Variants in SDK1 observed in about 807,000 individuals in gnomAD.
SDK1 encodes the protein protein sidekick-1.
In SDK1, 157 loss-of-function variants were observed where a neutral mutation model predicts 245.5. The ratio of observed to expected loss-of-function variants is 0.64; its 90% confidence interval spans 0.56 to 0.73. The LOEUF (loss-of-function observed/expected upper bound fraction) is 0.73. Ranked by LOEUF, SDK1 falls within the 30% of genes least tolerant of loss-of-function variation. The probability of loss-of-function intolerance (pLI) is 0.00; values close to 1 mark genes in which losing one functional copy is unlikely to be tolerated. For missense variants in SDK1, 3,583 were observed against 3,002.3 expected, an observed-to-expected ratio of 1.19 and a Z score of -4.52; for synonymous variants, 1,647 against 1,278.5, an observed-to-expected ratio of 1.29 and a Z score of -6.15.
chr7:3,706,032 T>C (rs1272443347), intron 4 of SDK1, among the ~76,000 whole-genome samples: 7 of 152,208 alleles, frequency 4.6e-5, no homozygotes, highest in African/African-American at 1.7e-4. Flanking sequence ...GATTATATGG[T>C]TTTTGTTTTT....
intron 4 of SDK1, among the ~76,000 whole-genome samples, chr7:3,764,968 T>G (rs1345373398): frequency 6.6e-6 from 1 of 152,170 alleles, no homozygotes; most frequent in Non-Finnish European, 1.5e-5. Flanking sequence ...GTAAGGTTTA[T>G]TGTCATTTTT....
intron 1 of SDK1, among the ~76,000 whole-genome samples, chr7:3,458,023 A>T (rs1780722712): frequency 6.6e-6 from 1 of 152,200 alleles, no homozygotes; most frequent in Admixed American, 6.5e-5. Context: ...CCTTTGCCTT[A>T]TAGCCTCCAG....
intron 14 of SDK1, among the ~76,000 whole-genome samples, chr7:3,995,808 A>C (rs1308592486): frequency 7.7e-6 from 1 of 129,144 alleles, no homozygotes; most frequent in South Asian, 2.5e-4. Flanking sequence ...TATCTATCCA[A>C]GGCCTTAGGG....
At chr7:3,965,543 T>TA (rs1427274436) in intron 9 of SDK1, among the ~76,000 whole-genome samples, 2 of 152,192 alleles carry the variant, frequency 1.3e-5, no homozygotes, top group East Asian at 3.8e-4. Context: ...AAATGTGCTT[T>TA]AAAAAATCGA....
intron 5 of SDK1, among the ~76,000 whole-genome samples, chr7:3,823,345 A>G (rs12531984): frequency 0.21 from 31,764 of 152,168 alleles, 3,620 homozygotes; most frequent in Middle Eastern, 0.37. Context: ...CCAGGATAAT[A>G]ATGAGTCAAA....
intron 1 of SDK1, among the ~76,000 whole-genome samples, chr7:3,305,621 TG>T (rs1433288302): frequency 6.6e-6 from 1 of 152,228 alleles, no homozygotes; most frequent in Non-Finnish European, 1.5e-5. Flanking sequence ...GAGTTTCAAC[TG>T]GAACTTGAGT....
In SDK1 at chr7:4,194,468, G is replaced by GTGTA. The variant is rs370306121; in HGVS notation, c.5099-11410_5099-11409insGTAT. ...TGTATACATGTATATATGTGTGTGT[G>GTGTA]TATATATATACTCCCATATATATGG... On this transcript the variant is annotated intron_variant, in intron 35 of 44. Coordinates refer to ENST00000404826, the MANE Select transcript of SDK1 (RefSeq NM_152744.4). Among the ~76,000 whole-genome samples, 12 of 115,122 alleles carry GTGTA rather than the reference G, an allele frequency of 1.0e-4. 1 individual carries two copies. Among genetic ancestry groups the GTGTA allele is most frequent in the South Asian group, 9.9e-4 (3 of 3,016 alleles). The allele number at this position is 115,122 out of a possible 152,430, so 75.5% of individuals were successfully genotyped here.
rs937742846 is a variant in SDK1, at chr7:3,974,496, ATTG to A, written c.1948_1950del (p.Val650del). ...CGACATCGGTGACTACAGCTGCGAG[ATTG>A]TTTCTGAAGGAGGGAATGACTCCAG... is the stretch of plus-strand genomic sequence containing the variant. On this transcript the variant is annotated inframe_deletion, in exon 13 of 45. Transcript: ENST00000404826. The A allele has an allele frequency of 3.1e-6, 5 of 1,613,952 alleles. No individual in the cohort carries two copies. The African/African-American group carries it at 6.7e-5, about 22-fold the overall frequency.
chr7:3,880,166 C>G (rs1229450937), intron 5 of SDK1, among the ~76,000 whole-genome samples: 1 of 152,230 alleles, frequency 6.6e-6, no homozygotes, highest in Non-Finnish European at 1.5e-5. Context: ...CGCCGCACTC[C>G]TCAGGGAGAT....
chr7:4,096,608 C>G (rs759063599), intron 22 of SDK1, among the ~76,000 whole-genome samples: 2 of 152,024 alleles, frequency 1.3e-5, no homozygotes, highest in Non-Finnish European at 2.9e-5. Flanking sequence ...ATGGAAGTTC[C>G]TAATAATAAA....
chr7:4,245,696 C>A lies in SDK1; in HGVS notation c.6272C>A (p.Pro2091His). 1 of 1,614,038 alleles carries A rather than the reference C, an allele frequency of 6.2e-7. No homozygotes were observed. The highest frequency in any genetic ancestry group is 1.3e-5 in the African/African-American group (1 of 75,030). ...NGTRSPPRPS[P>H]GGLHYSDEDI... ...CCTAGGTCCCCACCCCGGCCTAGCC[C>A]CGGCGGCCTGCACTACTCAGACGAG... Residue 2091 changes from proline (P) to histidine (H), a missense_variant, in exon 44 of 45, where the codon CCC (proline) becomes CAC (histidine). Coordinates refer to ENST00000404826, the MANE Select transcript of SDK1 (RefSeq NM_152744.4).
At chr7:3,935,722 C>T (rs2128119128) in intron 5 of SDK1, among the ~76,000 whole-genome samples, 1 of 152,246 alleles carries the variant, frequency 6.6e-6, no homozygotes, top group African/African-American at 2.4e-5. Flanking sequence ...AAACAGAAAA[C>T]ACAACAAAAA....
At chr7:4,144,854 A>AT (rs1323135302) in intron 28 of SDK1, among the ~76,000 whole-genome samples, 14 of 151,838 alleles carry the variant, frequency 9.2e-5, no homozygotes, top group Admixed American at 5.9e-4. Context: ...CCAGCAGTTG[A>AT]TTTTTTTTGG....
At chr7:3,949,769 A>C (rs941931004) in intron 5 of SDK1, among the ~76,000 whole-genome samples, 5 of 152,224 alleles carry the variant, frequency 3.3e-5, no homozygotes, top group African/African-American at 1.2e-4. Context: ...CCTTGTCACC[A>C]GAAGTACGAG....
At chr7:3,327,069 A>G (rs1360995251) in intron 1 of SDK1, among the ~76,000 whole-genome samples, 1 of 152,200 alleles carries the variant, frequency 6.6e-6, no homozygotes, top group African/African-American at 2.4e-5. Flanking sequence ...GTTCAGTTCC[A>G]GAAAGGTAAC....
intron 5 of SDK1, among the ~76,000 whole-genome samples, chr7:3,874,648 T>A (rs1781031848): frequency 6.6e-6 from 1 of 152,096 alleles, no homozygotes; most frequent in Admixed American, 6.5e-5. Context: ...CCTGCCCTCA[T>A]GCTACAGTTT....
chr7:3,389,276 A>G (rs949241079), intron 1 of SDK1, among the ~76,000 whole-genome samples: 6 of 152,166 alleles, frequency 3.9e-5, no homozygotes, highest in African/African-American at 1.4e-4. Flanking sequence ...AGATTTTGAG[A>G]TGGAGAGATT....
intron 4 of SDK1, among the ~76,000 whole-genome samples, chr7:3,644,630 G>T (rs1782763562): frequency 1.3e-5 from 2 of 151,470 alleles, no homozygotes; most frequent in Non-Finnish European, 2.9e-5. Flanking sequence ...GCTGGGTGTG[G>T]TGGCACGAAC....
At position 3,584,190 on chromosome 7, in the gene SDK1, G is replaced by A. The variant is rs149508176; in HGVS notation, c.299-34890G>A. 2.6e-3 allele frequency among the ~76,000 whole-genome samples: 401 copies of A among 152,266 alleles called. 2 individuals carry two copies. Among genetic ancestry groups the A allele is most frequent in the African/African-American group, 9.2e-3 (381 of 41,552 alleles). On this transcript the variant is annotated intron_variant, in intron 1 of 44. Coordinates refer to ENST00000404826, the MANE Select transcript of SDK1 (RefSeq NM_152744.4). ...GGAATAAACAGGTGCTTGCTGTAAG[G>A]CTTCTTAGGGCCCTTAATATGCTTT... is the stretch of plus-strand genomic sequence containing the variant.
Sources: gnomAD v4.1 joint callset for allele counts (sites outside exome capture counted in the v4.1 genomes callset) on GRCh38, gnomAD v4.1.1 for gene constraint, MANE v1.5 for transcripts, NCBI Gene and HGNC (gene_info 2026-07-23, HGNC 2026-07-21) for gene names.